Variants in OOSP1 observed in about 807,000 individuals in gnomAD.
OOSP1 encodes oocyte secreted protein 1.
A neutral mutation model predicts 5.7 loss-of-function variants in OOSP1; 11 were observed. That is an observed-to-expected ratio of 1.94 (90% CI 1.22 to 3.20). The LOEUF (loss-of-function observed/expected upper bound fraction) is 3.20. Among genes scored for constraint, OOSP1 ranks in the 30% most tolerant of loss-of-function variants. OOSP1 has a pLI of 0.00. For synonymous variants in OOSP1, 44 were observed against 20.0 expected, an observed-to-expected ratio of 2.20 and a Z score of -3.20; for missense variants, 83 against 54.1, an observed-to-expected ratio of 1.53 and a Z score of -1.67.
intron 4 of OOSP1, among the ~76,000 whole-genome samples, chr11:59,950,701 G>A (rs1006957724): frequency 6.6e-6 from 1 of 152,098 alleles, no homozygotes; most frequent in East Asian, 1.9e-4. Context: ...CAGTTTTGGT[G>A]GAGAGGTATG....
chr11:59,953,234 T>C (rs530510923), intron 4 of OOSP1, among the ~76,000 whole-genome samples: 3 of 152,088 alleles, frequency 2.0e-5, no homozygotes, highest in Non-Finnish European at 4.4e-5. Context: ...TTTTAGTACT[T>C]ACAAAGGACT....
At chr11:59,948,466 G>A (rs755777871) in intron 4 of OOSP1, among the ~76,000 whole-genome samples, 8 of 152,048 alleles carry the variant, frequency 5.3e-5, no homozygotes, top group East Asian at 1.9e-4. Context: ...AGCTTAGAGG[G>A]CAAAAGTATC....
At chr11:59,940,048 C>T (rs1185425541) in intron 1 of OOSP1, among the ~76,000 whole-genome samples, 1 of 152,186 alleles carries the variant, frequency 6.6e-6, no homozygotes. Context: ...CCTGGGCTGT[C>T]AATTTCTAAG....
intron 1 of OOSP1, among the ~76,000 whole-genome samples, chr11:59,939,103 T>A (rs1046753412): frequency 6.6e-6 from 1 of 152,184 alleles, no homozygotes; most frequent in African/African-American, 2.4e-5. Flanking sequence ...AAACTTGGGC[T>A]GTCAGTTTCT....
intron 3 of OOSP1, among the ~76,000 whole-genome samples, chr11:59,945,635 C>CA (rs1205713091): frequency 6.6e-6 from 1 of 150,490 alleles, no homozygotes; most frequent in Non-Finnish European, 1.5e-5. Flanking sequence ...CCTGTAGTCC[C>CA]AGCTACTTGG....
chr11:59,943,118 C>T, intron 2 of OOSP1, 90 bp downstream of exon 2: 1 of 574,982 alleles, frequency 1.7e-6, no homozygotes, highest in East Asian at 3.2e-5. Flanking sequence ...GCTCAATTCC[C>T]ACCTATGAGT....
chr11:59,943,230 G>T (rs1853849535), intron 2 of OOSP1, among the ~76,000 whole-genome samples: 1 of 148,684 alleles, frequency 6.7e-6, no homozygotes, highest in African/African-American at 2.5e-5. Context: ...AGGGGAGAGG[G>T]ATAGCATTAG....
intron 4 of OOSP1, among the ~76,000 whole-genome samples, chr11:59,949,567 CA>C (rs1853919534): frequency 6.6e-6 from 1 of 151,978 alleles, no homozygotes; most frequent in South Asian, 2.1e-4. Context: ...ACAAGGCCAG[CA>C]TGATTGGAGA....
At chr11:59,939,775 T>C (rs931720161) in intron 1 of OOSP1, among the ~76,000 whole-genome samples, 4 of 151,764 alleles carry the variant, frequency 2.6e-5, no homozygotes, top group South Asian at 4.1e-4. Context: ...CTCTTTCTCA[T>C]CTTTCTCTTT....
intron 4 of OOSP1, among the ~76,000 whole-genome samples, chr11:59,950,007 C>T (rs1188178571): frequency 6.6e-6 from 1 of 152,074 alleles, no homozygotes; most frequent in African/African-American, 2.4e-5. Context: ...CCACTGATGA[C>T]AAAGAGATTT....
In OOSP1 at chr11:59,945,958, C is replaced by T. The variant is rs115808443; in HGVS notation, c.356+692C>T. ...CGTGGCTGGAGCAGGAGGAAGTGGTCGGGGGAGGTGCTGCACACTTTTAAA... is the reference window on the plus strand; with the variant it reads ...CGTGGCTGGAGCAGGAGGAAGTGGTTGGGGGAGGTGCTGCACACTTTTAAA... On this transcript the variant is annotated intron_variant, in intron 3 of 4. Transcript: ENST00000646685. Among the ~76,000 whole-genome samples the T allele has an allele frequency of 5.2e-3, 796 of 151,850 alleles. 9 individuals carry two copies. Among genetic ancestry groups the T allele is most frequent in the African/African-American group, 0.018 (726 of 41,384 alleles).
chr11:59,943,324 G>A (rs370657121), intron 2 of OOSP1, among the ~76,000 whole-genome samples: 11 of 151,572 alleles, frequency 7.3e-5, no homozygotes, highest in African/African-American at 1.2e-4. Flanking sequence ...AAACCTGCAC[G>A]TTGTGCACAC....
At chr11:59,947,160 A>G (rs180819251) in intron 3 of OOSP1, among the ~76,000 whole-genome samples, 68 of 152,262 alleles carry the variant, frequency 4.5e-4, no homozygotes, top group Middle Eastern at 3.4e-3. Flanking sequence ...GCCATATTAC[A>G]TAGAGCTCTT....
exon 3 of OOSP1, chr11:59,945,209 A>C: frequency 2.8e-6 from 2 of 702,976 alleles, no homozygotes; most frequent in South Asian, 3.0e-5. Flanking sequence ...AAAATCAGGT[A>C]TATCTCAAGA....
At chr11:59,957,111 ACTT>A in intron 4 of OOSP1, 81 bp from the exon 5 acceptor site, 1 of 393,994 alleles carries the variant, frequency 2.5e-6, no homozygotes, top group Non-Finnish European at 4.5e-6. Flanking sequence ...CCTTTTAAAA[ACTT>A]TGAATGCTTC....
At chr11:59,957,071 C>A (rs559550849) in intron 4 of OOSP1, 124 bp from the exon 5 acceptor site, 4 of 388,154 alleles carry the variant, frequency 1.0e-5, no homozygotes, top group Non-Finnish European at 1.8e-5. Context: ...AACAAATATG[C>A]CTTTCTGTTC....
intron 4 of OOSP1, among the ~76,000 whole-genome samples, chr11:59,951,321 G>T (rs1227874704): frequency 6.6e-6 from 1 of 151,516 alleles, no homozygotes; most frequent in Non-Finnish European, 1.5e-5. Context: ...GAGACAGATC[G>T]CTGAGCACAG....
At chr11:59,946,070 C>T (rs1413232668) in intron 3 of OOSP1, among the ~76,000 whole-genome samples, 1 of 152,098 alleles carries the variant, frequency 6.6e-6, no homozygotes, top group Non-Finnish European at 1.5e-5. Context: ...GAGCCATGGA[C>T]ATGCAGTGGT....
At chr11:59,941,677 C>A (rs1477828272) in intron 1 of OOSP1, among the ~76,000 whole-genome samples, 1 of 152,076 alleles carries the variant, frequency 6.6e-6, no homozygotes, top group African/African-American at 2.4e-5. Context: ...CTCGCCCAGC[C>A]CATTTATGTA....
Sources: allele counts gnomAD v4.1 joint callset (sites outside exome capture counted in the v4.1 genomes callset), GRCh38; gene constraint gnomAD v4.1.1; transcripts MANE v1.5; gene names NCBI Gene and HGNC (gene_info 2026-07-23, HGNC 2026-07-21).